Variants in KCNH8 observed in about 807,000 individuals in gnomAD.
KCNH8 encodes voltage-gated delayed rectifier potassium channel KCNH8.
KCNH8 carries 70 observed loss-of-function variants against 103.6 expected under a neutral mutation model. The ratio of observed to expected loss-of-function variants is 0.68; its 90% CI spans 0.56 to 0.82. The LOEUF (loss-of-function observed/expected upper bound fraction) is 0.82. Ranked by LOEUF, KCNH8 falls within the 40% of genes least tolerant of loss-of-function variation. KCNH8 has a pLI of 0.00. For synonymous variants in KCNH8, 498 were observed against 489.4 expected (o/e 1.02, Z -0.23); for missense variants, 1,217 against 1,329.9 (o/e 0.92, Z 1.32).
At chr3:19,234,458 A>G (rs1255996483) in intron 1 of KCNH8, among the ~76,000 whole-genome samples, 2 of 152,216 alleles carry the variant, frequency 1.3e-5, no homozygotes, top group African/African-American at 4.8e-5. Context: ...CCTGCGAGAA[A>G]TTGAGCACAG....
intron 5 of KCNH8, among the ~76,000 whole-genome samples, chr3:19,351,900 T>G (rs1229629473): frequency 6.6e-6 from 1 of 152,120 alleles, no homozygotes; most frequent in Non-Finnish European, 1.5e-5. Flanking sequence ...TAACCTTAAA[T>G]GTAAATGGGC....
At chr3:19,272,778 C>T (rs1016348941) in intron 2 of KCNH8, among the ~76,000 whole-genome samples, 5 of 152,164 alleles carry the variant, frequency 3.3e-5, no homozygotes, top group African/African-American at 1.2e-4. Flanking sequence ...CTACATTTCT[C>T]CTTTACCCTG....
intron 1 of KCNH8, among the ~76,000 whole-genome samples, chr3:19,161,909 A>G (rs1442192593): frequency 6.6e-6 from 1 of 152,170 alleles, no homozygotes; most frequent in Non-Finnish European, 1.5e-5. Context: ...CTAAGTGATT[A>G]GATACATTAA....
At chr3:19,523,859 G>A in intron 15 of KCNH8, among the ~76,000 whole-genome samples, 1 of 151,682 alleles carries the variant, frequency 6.6e-6, no homozygotes, top group East Asian at 1.9e-4. Context: ...CCAATTTAAT[G>A]TATTATATAT....
Position 19,343,576 on chromosome 3 carries a change from A to G in KCNH8, c.570+862A>G, listed in dbSNP as rs147641190. Reference sequence around the variant, plus strand: ...GACCATAGGTGGCAGATTAAATACCAGCATCTAACTTGCCAATGACAAGAA... The same window carrying G: ...GACCATAGGTGGCAGATTAAATACCGGCATCTAACTTGCCAATGACAAGAA... On this transcript the variant is annotated intron_variant, in intron 4 of 15. Coordinates refer to ENST00000328405, the MANE Select transcript of KCNH8 (RefSeq NM_144633.3). Among the ~76,000 whole-genome samples, 8 of 152,252 alleles carry G rather than the reference A, an allele frequency of 5.3e-5. No homozygotes were observed. In the East Asian group the frequency reaches 1.5e-3, roughly 29 times the overall value.
chr3:19,452,784 G>C, intron 10 of KCNH8, among the ~76,000 whole-genome samples: 1 of 152,100 alleles, frequency 6.6e-6, no homozygotes, highest in East Asian at 1.9e-4. Flanking sequence ...GATGGTGAAG[G>C]TATTTTCTCT....
At chr3:19,506,504 T>G (rs188523139) in intron 11 of KCNH8, among the ~76,000 whole-genome samples, 21 of 152,292 alleles carry the variant, frequency 1.4e-4, no homozygotes, top group Admixed American at 5.9e-4. Flanking sequence ...GGTAGGCACT[T>G]GCTTGACCAT....
At chr3:19,479,177 C>G (rs78814822) in intron 11 of KCNH8, among the ~76,000 whole-genome samples, 11,140 of 152,064 alleles carry the variant, frequency 0.073, 831 homozygotes, top group East Asian at 0.26. Context: ...GGAGAGTTTG[C>G]GGGGTGCCTC....
At chr3:19,275,204 T>C (rs1426500012) in intron 2 of KCNH8, among the ~76,000 whole-genome samples, 1 of 151,744 alleles carries the variant, frequency 6.6e-6, no homozygotes, top group Non-Finnish European at 1.5e-5. Flanking sequence ...CATTGTGGAT[T>C]TTATGTTTAT....
intron 1 of KCNH8, among the ~76,000 whole-genome samples, chr3:19,159,314 A>G (rs2063211353): frequency 6.6e-6 from 1 of 151,746 alleles, no homozygotes; most frequent in Non-Finnish European, 1.5e-5. Flanking sequence ...ATGTAAAAAT[A>G]TATATACACA....
At chr3:19,417,054 C>T (rs1023791301) in intron 7 of KCNH8, among the ~76,000 whole-genome samples, 11 of 151,892 alleles carry the variant, frequency 7.2e-5, no homozygotes, top group African/African-American at 2.4e-4. Context: ...CACCTCTTCC[C>T]CTGTCAGCAC....
chr3:19,388,501 C>T (rs2066390405), intron 5 of KCNH8, among the ~76,000 whole-genome samples: 1 of 152,058 alleles, frequency 6.6e-6, no homozygotes, highest in Non-Finnish European at 1.5e-5. Context: ...GCCACGATAG[C>T]ATTTTAACTG....
Position 19,281,222 on chromosome 3 carries a change from A to T in KCNH8, c.335A>T (p.Asp112Val), listed in dbSNP as rs780976722. 6.2e-7 allele frequency: 1 copy of T among 1,611,090 alleles called. No individual in the cohort carries two copies. The highest frequency in any genetic ancestry group is 2.2e-5 in the East Asian group (1 of 44,738). The change falls in exon 3 of 16, where the codon GAT (aspartate) becomes GTT (valine). Residue 112 changes from aspartate (D) to valine (V), a missense_variant. By Grantham distance (152) the Asp-to-Val change is radical. This residue lies in a region of KCNH8 where 244 missense variants were observed against 256.8 expected (regional missense o/e 0.95). Transcript: ENST00000328405. ...GGGTCTCCATTTTGGTGCCTACTGG[A>T]TATTGTTCCCATAAAGAATGAAAAA... ...KNGSPFWCLL[D>V]IVPIKNEKGD...
intron 5 of KCNH8, among the ~76,000 whole-genome samples, chr3:19,348,343 T>A (rs192345465): frequency 1.3e-5 from 2 of 152,102 alleles, no homozygotes; most frequent in Admixed American, 1.3e-4. Context: ...CTCCTTGACG[T>A]GTTCTTTCTC....
intron 11 of KCNH8, among the ~76,000 whole-genome samples, chr3:19,483,246 G>C (rs373484887): frequency 2.6e-5 from 4 of 152,234 alleles, no homozygotes; most frequent in African/African-American, 7.2e-5. Context: ...TCCAGTCCTG[G>C]TGGGACTCCA....
intron 11 of KCNH8, among the ~76,000 whole-genome samples, chr3:19,485,297 C>T (rs910830682): frequency 6.6e-6 from 1 of 152,190 alleles, no homozygotes; most frequent in Non-Finnish European, 1.5e-5. Context: ...CCAGCAAATA[C>T]TTGTTACCTC....
chr3:19,466,836 T>C (rs990325431), intron 11 of KCNH8, among the ~76,000 whole-genome samples: 18 of 151,734 alleles, frequency 1.2e-4, no homozygotes, highest in African/African-American at 4.4e-4. Flanking sequence ...TAATTTTGTA[T>C]TTTTAGTAGA....
chr3:19,456,187 G>A (rs1575086384), intron 10 of KCNH8, among the ~76,000 whole-genome samples: 4 of 152,072 alleles, frequency 2.6e-5, no homozygotes, highest in East Asian at 3.9e-4. Flanking sequence ...CAAGGTTTAA[G>A]TCCAGTACTA....
intron 1 of KCNH8, among the ~76,000 whole-genome samples, chr3:19,237,457 G>C (rs149371437): frequency 1.9e-4 from 29 of 152,258 alleles, no homozygotes; most frequent in African/African-American, 6.5e-4. Context: ...TCCAAAAGCT[G>C]TGCTGGTTTA....
Sources: allele counts gnomAD v4.1 joint callset (sites outside exome capture counted in the v4.1 genomes callset), GRCh38; gene constraint gnomAD v4.1.1; regional missense constraint gnomAD v4.1.1; transcripts MANE v1.5; gene names NCBI Gene and HGNC (gene_info 2026-07-23, HGNC 2026-07-21).